Variants in PSEN1 observed in about 807,000 individuals in gnomAD.
The protein encoded by PSEN1 is presenilin-1.
PSEN1 carries 15 observed loss-of-function variants against 53.5 expected under a neutral mutation model. The ratio of observed to expected loss-of-function variants is 0.28; its 90% confidence interval spans 0.19 to 0.43. PSEN1 has a LOEUF of 0.43. Among genes scored for constraint, PSEN1 ranks in the 20% least tolerant of loss-of-function variants. The pLI, the probability that PSEN1 is intolerant of heterozygous loss-of-function variation, is 1.00. For synonymous variants in PSEN1, 208 were observed against 209.8 expected (o/e 0.99, Z 0.08); for missense variants, 387 against 571.2 (o/e 0.68, Z 3.29).
At position 73,210,279 on chromosome 14, in the gene PSEN1, A is replaced by G. The variant is rs866469343; in HGVS notation, c.956-1490A>G. On this transcript the variant is annotated intron_variant, in intron 9 of 11. Transcript: ENST00000324501. ...AAGAAAACAAAAACTTGCTCAAAAA[A>G]GCAAATGTAATTATAGTATATTCTG... Among the ~76,000 whole-genome samples the G allele has an allele frequency of 3.3e-5, 5 of 152,374 alleles. No homozygotes were observed. The South Asian group carries it at 1.0e-3, about 32-fold the overall frequency.
At chr14:73,152,134 G>T (rs1211186497) in intron 3 of PSEN1, among the ~76,000 whole-genome samples, 3 of 148,054 alleles carry the variant, frequency 2.0e-5, no homozygotes, top group Non-Finnish European at 4.5e-5. Context: ...GATGGTCTCG[G>T]ATCTCCTGAC....
chr14:73,178,358 T>C (rs1216040583), intron 5 of PSEN1, among the ~76,000 whole-genome samples: 1 of 151,218 alleles, frequency 6.6e-6, no homozygotes, highest in African/African-American at 2.4e-5. Flanking sequence ...CAGCTAATTT[T>C]TGTATTTTTA....
chr14:73,221,608 G>A lies in PSEN1; in HGVS notation c.*2319G>A, dbSNP rs888175054. ...ATCTTTCCTTTTTTTTTTTTTAAAG[G>A]ACAGGATTTTGCTGTGTTGCCCAGG... On this transcript the variant is annotated 3_prime_UTR_variant, in exon 12 of 12. Coordinates refer to ENST00000324501, the MANE Select transcript of PSEN1 (RefSeq NM_000021.4). 2.0e-5 allele frequency: 3 copies of A among 150,658 alleles called. No homozygotes were observed. The highest frequency in any genetic ancestry group is 7.3e-5 in the African/African-American group (3 of 40,882). The allele number at this position is 150,658 out of a possible 1,614,324, so 9.3% of individuals were successfully genotyped here.
chr14:73,143,687 T>C (rs1364528183), intron 1 of PSEN1, among the ~76,000 whole-genome samples: 3 of 152,164 alleles, frequency 2.0e-5, no homozygotes, highest in Non-Finnish European at 4.4e-5. Flanking sequence ...GAACAGATCC[T>C]GTTAGCATAG....
chr14:73,209,015 G>A, intron 9 of PSEN1: 1 of 367,740 alleles, frequency 2.7e-6, no homozygotes. Context: ...TGTCAGTGCT[G>A]CCCCAAGCGC....
chr14:73,186,653 C>T lies in PSEN1; in HGVS notation c.481-200C>T, dbSNP rs560207075. On this transcript the variant is annotated intron_variant, in intron 5 of 11. Coordinates refer to ENST00000324501, the MANE Select transcript of PSEN1 (RefSeq NM_000021.4). ...TTAGCCTAGCGTGGTGGCGCGCACG[C>T]GTGGTTCCACCTACTCAGGAGGCTT... Among the ~76,000 whole-genome samples the T allele has an allele frequency of 4.0e-5, 6 of 151,816 alleles. No individual in the cohort carries two copies. In the East Asian group the frequency reaches 7.8e-4, roughly 20 times the overall value.
At chr14:73,153,735 C>T (rs1482747631) in intron 3 of PSEN1, among the ~76,000 whole-genome samples, 10 of 107,338 alleles carry the variant, frequency 9.3e-5, no homozygotes, top group Admixed American at 2.5e-4. Context: ...TTTTTTGAAA[C>T]GGAGCCTCCC....
At chr14:73,203,832 T>C (rs1267043225) in intron 8 of PSEN1, among the ~76,000 whole-genome samples, 2 of 152,148 alleles carry the variant, frequency 1.3e-5, no homozygotes, top group Non-Finnish European at 2.9e-5. Flanking sequence ...TGATTTCATA[T>C]CAGTTGGGGG....
In PSEN1 at chr14:73,192,659, C is replaced by G; in HGVS notation, c.564C>G (p.Thr188=). 6.2e-7 allele frequency: 1 copy of G among 1,613,268 alleles called. No homozygotes were observed. Among genetic ancestry groups the G allele is most frequent in the Non-Finnish European group, 8.5e-7 (1 of 1,179,332 alleles). Residue 188 remains threonine (T), a synonymous_variant, in exon 7 of 12, where the codon ACC becomes ACG. Coordinates refer to ENST00000324501, the MANE Select transcript of PSEN1 (RefSeq NM_000021.4). ...TTTTTTTCAGGGAAGTGTTTAAAACCTATAACGTTGCTGTGGACTACATTA... is the reference window on the plus strand; with the variant it reads ...TTTTTTTCAGGGAAGTGTTTAAAACGTATAACGTTGCTGTGGACTACATTA... ...SFIYLGEVFK[T]YNVAVDYITV...
At chr14:73,186,747 A>C (rs1898528485) in intron 5 of PSEN1, 106 bp from the exon 6 acceptor site, 3 of 915,038 alleles carry the variant, frequency 3.3e-6, no homozygotes, top group South Asian at 2.6e-5. Context: ...ACTGCACTCC[A>C]GTCTGGGCGA....
chr14:73,172,540 C>G (rs1357181074), intron 4 of PSEN1, among the ~76,000 whole-genome samples: 1 of 152,212 alleles, frequency 6.6e-6, no homozygotes, highest in Non-Finnish European at 1.5e-5. Context: ...AATAAACTTT[C>G]ATTGGAAAGT....
chr14:73,162,442 C>CGT (rs995210785), intron 3 of PSEN1, among the ~76,000 whole-genome samples: 3 of 141,592 alleles, frequency 2.1e-5, no homozygotes, highest in South Asian at 2.4e-4. Flanking sequence ...CTCGCTCGCT[C>CGT]GCGCGCTCTC....
intron 1 of PSEN1, among the ~76,000 whole-genome samples, chr14:73,141,765 A>G (rs1054532655): frequency 1.3e-5 from 2 of 151,596 alleles, no homozygotes; most frequent in Admixed American, 1.3e-4. Context: ...AGCCTGGGCG[A>G]CAAGAGTGAA....
intron 3 of PSEN1, among the ~76,000 whole-genome samples, chr14:73,159,179 A>AT (rs35615325): frequency 0.043 from 6,126 of 142,788 alleles, 141 homozygotes; most frequent in South Asian, 0.063. Context: ...TGAAGGGCAG[A>AT]TTTTTTTTTT....
intron 8 of PSEN1, among the ~76,000 whole-genome samples, chr14:73,202,455 T>C (rs1566648365): frequency 5.4e-5 from 1 of 18,654 alleles, no homozygotes; most frequent in African/African-American, 3.1e-4. Context: ...TATATATATA[T>C]ATATATATTT....
At chr14:73,150,130 G>A (rs529530986) in intron 3 of PSEN1, among the ~76,000 whole-genome samples, 1 of 152,180 alleles carries the variant, frequency 6.6e-6, no homozygotes, top group African/African-American at 2.4e-5. Flanking sequence ...TAATGTAATA[G>A]GCACCCATGT....
intron 1 of PSEN1, among the ~76,000 whole-genome samples, chr14:73,146,302 C>T (rs1023737016): frequency 6.6e-6 from 1 of 151,834 alleles, no homozygotes; most frequent in Non-Finnish European, 1.5e-5. Flanking sequence ...ATCCCCCCAC[C>T]TCAGCCTCCT....
At chr14:73,172,508 C>CA (rs765069538) in intron 4 of PSEN1, among the ~76,000 whole-genome samples, 1 of 152,224 alleles carries the variant, frequency 6.6e-6, no homozygotes, top group Non-Finnish European at 1.5e-5. Flanking sequence ...GGTGTAATAA[C>CA]AAAGTTATTC....
At chr14:73,164,946 C>G (rs538277889) in intron 3 of PSEN1, among the ~76,000 whole-genome samples, 1 of 152,144 alleles carries the variant, frequency 6.6e-6, no homozygotes, top group Non-Finnish European at 1.5e-5. Flanking sequence ...ACTTCTGTCA[C>G]AAAATTGTAC....
Sources: allele counts gnomAD v4.1 joint callset (sites outside exome capture counted in the v4.1 genomes callset), GRCh38; gene constraint gnomAD v4.1.1; transcripts MANE v1.5; gene names NCBI Gene and HGNC (gene_info 2026-07-23, HGNC 2026-07-21).